Variants in YEATS4 observed in about 807,000 individuals in gnomAD.
YEATS4 encodes YEATS domain-containing protein 4.
YEATS4 carries 17 observed loss-of-function variants against 30.1 expected under a neutral mutation model. That is an observed-to-expected ratio of 0.56 (90% CI 0.39 to 0.85). The LOEUF is 0.85. Among genes scored for constraint, YEATS4 ranks in the 40% least tolerant of loss-of-function variants. The pLI is 0.00. For synonymous variants in YEATS4, 85 were observed against 87.5 expected (o/e 0.97, Z 0.16); for missense variants, 142 against 268.3 (o/e 0.53, Z 3.29).
At chr12:69,401,728 T>C in the YEATS4 span, among the ~76,000 whole-genome samples, 1 of 152,216 alleles carries the variant, frequency 6.6e-6, no homozygotes, top group Non-Finnish European at 1.5e-5. Flanking sequence ...ACACCATCCA[T>C]TTCAGCCAGT....
chr12:69,390,002 G>A, intron 6 of YEATS4, 145 bp from the exon 7 acceptor site: 2 of 590,802 alleles, frequency 3.4e-6, no homozygotes, highest in Non-Finnish European at 5.5e-6. Flanking sequence ...CCCCCAACCT[G>A]CACCCATGTT....
chr12:69,381,164 T>C (rs1370777070), intron 6 of YEATS4, among the ~76,000 whole-genome samples: 1 of 152,100 alleles, frequency 6.6e-6, no homozygotes, highest in African/African-American at 2.4e-5. Flanking sequence ...CTGGGGCTAA[T>C]TTCATCCCTA....
At chr12:69,367,458 C>T (rs1012399238) in intron 4 of YEATS4, among the ~76,000 whole-genome samples, 1 of 152,106 alleles carries the variant, frequency 6.6e-6, no homozygotes, top group Non-Finnish European at 1.5e-5. Flanking sequence ...GCCTCCACCT[C>T]CTGGCCTCAA....
chr12:69,386,903 T>C (rs1375110979), intron 6 of YEATS4, among the ~76,000 whole-genome samples: 2 of 152,154 alleles, frequency 1.3e-5, no homozygotes, highest in Non-Finnish European at 2.9e-5. Context: ...ATTTATAAAT[T>C]AGGCACAATA....
chr12:69,387,226 TATAAAAAAG>T (rs1217286949), intron 6 of YEATS4, among the ~76,000 whole-genome samples: 5 of 152,150 alleles, frequency 3.3e-5, no homozygotes, highest in African/African-American at 4.8e-5. Flanking sequence ...TCTCAAACAT[TATAAAAAAG>T]ATGAGTCAGC....
chr12:69,409,615 TA>T, the YEATS4 span, among the ~76,000 whole-genome samples: 4,041 of 142,184 alleles, frequency 0.028, 172 homozygotes, highest in African/African-American at 0.092. Context: ...AGACTCTGTT[TA>T]AAAAAAAAAA....
chr12:69,366,878 A>T (rs1443776871), intron 4 of YEATS4, among the ~76,000 whole-genome samples: 2 of 152,096 alleles, frequency 1.3e-5, no homozygotes, highest in Non-Finnish European at 2.9e-5. Flanking sequence ...GTGCTTGCTT[A>T]TTTATTTATT....
At chr12:69,417,904 C>T in the YEATS4 span, among the ~76,000 whole-genome samples, 1 of 149,382 alleles carries the variant, frequency 6.7e-6, no homozygotes, top group Non-Finnish European at 1.5e-5. Flanking sequence ...AGCCAAATGC[C>T]CCTTAAAAAA....
At chr12:69,424,912 T>A in the YEATS4 span, among the ~76,000 whole-genome samples, 1 of 152,210 alleles carries the variant, frequency 6.6e-6, no homozygotes, top group East Asian at 1.9e-4. Flanking sequence ...AGTATATATT[T>A]ATTATTTATT....
Position 69,359,891 on chromosome 12 carries a change from G to GGATTTTTATTTATAA in YEATS4, c.-82_-81insGATTTTTATTTATAA, listed in dbSNP as rs1388587088. 2 of 1,564,400 alleles carry GGATTTTTATTTATAA rather than the reference G, an allele frequency of 1.3e-6. No homozygotes were observed. Among genetic ancestry groups the GGATTTTTATTTATAA allele is most frequent in the African/African-American group, 2.7e-5 (2 of 73,374 alleles). On this transcript the variant is annotated 5_prime_UTR_variant, in exon 1 of 7. Coordinates refer to ENST00000247843, the MANE Select transcript of YEATS4 (RefSeq NM_006530.4). Reference sequence around the variant, plus strand: ...CCCTCCGCCTGGGCCCGCGCGACAGGAGCGCGGTCTCTGAGGGGAGCGGCG... The same window carrying GGATTTTTATTTATAA: ...CCCTCCGCCTGGGCCCGCGCGACAGGGATTTTTATTTATAAAGCGCGGTCTCTGAGGGGAGCGGCG...
chr12:69,405,719 A>G, the YEATS4 span, among the ~76,000 whole-genome samples: 6,434 of 152,298 alleles, frequency 0.042, 193 homozygotes, highest in Non-Finnish European at 0.066. Context: ...GGCAGGATGG[A>G]GTGGAACTGC....
chr12:69,400,435 T>C, the YEATS4 span, among the ~76,000 whole-genome samples: 3 of 151,952 alleles, frequency 2.0e-5, no homozygotes, highest in Non-Finnish European at 4.4e-5. Context: ...GTATGCCATA[T>C]ATATATATAT....
intron 1 of YEATS4, chr12:69,361,400 C>T (rs1025344670): frequency 6.6e-6 from 1 of 152,254 alleles, no homozygotes; most frequent in Non-Finnish European, 1.5e-5. Context: ...AAGCGATTCT[C>T]CTGCCTCAGC....
chr12:69,383,761 A>C (rs1163668011), intron 6 of YEATS4, among the ~76,000 whole-genome samples: 3 of 152,180 alleles, frequency 2.0e-5, no homozygotes, highest in African/African-American at 4.8e-5. Context: ...TGGATAAGAG[A>C]ACATCAGATA....
chr12:69,364,309 T>C (rs1314319614), intron 2 of YEATS4: 1 of 272,854 alleles, frequency 3.7e-6, no homozygotes, highest in East Asian at 1.3e-4. Context: ...GGTATCATTA[T>C]AGTAAGATTC....
intron 6 of YEATS4, among the ~76,000 whole-genome samples, chr12:69,383,137 T>C (rs1397626370): frequency 1.3e-5 from 2 of 152,130 alleles, no homozygotes; most frequent in African/African-American, 2.4e-5. Flanking sequence ...GGTGGCACAT[T>C]CCTGTAGTAC....
chr12:69,387,657 G>T (rs148251831), intron 6 of YEATS4, among the ~76,000 whole-genome samples: 39 of 152,316 alleles, frequency 2.6e-4, no homozygotes, highest in Non-Finnish European at 4.3e-4. Flanking sequence ...AATGTTAAGT[G>T]AAACAGCAAG....
chr12:69,415,893 C>T, the YEATS4 span, among the ~76,000 whole-genome samples: 1 of 152,226 alleles, frequency 6.6e-6, no homozygotes, highest in Non-Finnish European at 1.5e-5. Context: ...ATGCCATGAG[C>T]ATTGCTGCCT....
the YEATS4 span, among the ~76,000 whole-genome samples, chr12:69,396,624 C>T: frequency 6.6e-6 from 1 of 152,028 alleles, no homozygotes; most frequent in Non-Finnish European, 1.5e-5. Flanking sequence ...TTAATGAGAA[C>T]ATGAGTTAAT....
Sources: gnomAD v4.1 joint callset for allele counts (sites outside exome capture counted in the v4.1 genomes callset) on GRCh38, gnomAD v4.1.1 for gene constraint, MANE v1.5 for transcripts, NCBI Gene and HGNC (gene_info 2026-07-23, HGNC 2026-07-21) for gene names.